The following GTPBP8 variants were observed in gnomAD, a reference collection of about 807,000 sequenced individuals.
GTPBP8 encodes the protein GTP-binding protein 8.
Under a neutral mutation model 27.3 loss-of-function variants are expected in GTPBP8, and 21 were observed. The ratio of observed to expected loss-of-function variants is 0.77; its 90% confidence interval spans 0.55 to 1.11. The LOEUF is 1.11. GTPBP8 is among the 50% of genes least tolerant of loss of function. The probability of loss-of-function intolerance (pLI) is 0.00; values close to 1 mark genes in which losing one functional copy is unlikely to be tolerated. For synonymous variants in GTPBP8, 147 were observed against 135.3 expected, an observed-to-expected ratio of 1.09 and a Z score of -0.60; for missense variants, 380 against 350.8, an observed-to-expected ratio of 1.08 and a Z score of -0.67.
Position 113,000,850 on chromosome 3 carries a change from T to G in GTPBP8, c.786T>G (p.Ser262Arg), listed in dbSNP as rs763571192. Residue 262 changes from serine to arginine, a missense_variant and splice_region_variant, in exon 6 of 6, where the codon AGT (serine) becomes AGG (arginine). Transcript: ENST00000383678. ...AATTATTTCTCTTTTCTTTTCACAG[T>G]GCTGTGACCTTTTCTGGAATCCACC... is the stretch of plus-strand genomic sequence containing the variant. ...QGCFPQLFPV[S>R]AVTFSGIHLL... The G allele has an allele frequency of 6.3e-7, 1 of 1,576,546 alleles. No individual in the cohort carries two copies. The highest frequency in any genetic ancestry group is 1.1e-5 in the South Asian group (1 of 89,314).
chr3:112,998,814 A>T (rs780276404), intron 4 of GTPBP8, among the ~76,000 whole-genome samples: 1 of 152,214 alleles, frequency 6.6e-6, no homozygotes, highest in Non-Finnish European at 1.5e-5. Context: ...AGCATCTTTT[A>T]TGACTAAAAA....
rs541417068 is a variant in GTPBP8, at chr3:112,997,752, G to C, written c.666+761G>C. Among the ~76,000 whole-genome samples, 9 of 152,290 alleles carry C rather than the reference G, an allele frequency of 5.9e-5. No homozygotes were observed. The South Asian group carries it at 1.9e-3, about 32-fold the overall frequency. On this transcript the variant is annotated intron_variant, in intron 4 of 5. Transcript: ENST00000383678. ...TTATTCTTGGGGTCTTGGAATTCTT[G>C]GGGTCTGCAAAAGCCCTATGAAGCA...
intron 4 of GTPBP8, 98 bp downstream of exon 4, chr3:112,997,089 T>C (rs913932523): frequency 7.6e-6 from 5 of 656,350 alleles, no homozygotes; most frequent in Admixed American, 2.9e-5. Flanking sequence ...TTGTGTTGCC[T>C]CAAAAGATAA....
chr3:112,999,754 T>G (rs911720341), intron 5 of GTPBP8, among the ~76,000 whole-genome samples, 190 bp downstream of exon 5: 2 of 152,106 alleles, frequency 1.3e-5, no homozygotes, highest in Non-Finnish European at 2.9e-5. Context: ...ATGTGTAGTC[T>G]TTTTTCGCTC....
intron 5 of GTPBP8, among the ~76,000 whole-genome samples, chr3:113,000,368 A>AAACCACCACC (rs1438342570): frequency 2.0e-5 from 3 of 152,180 alleles, no homozygotes; most frequent in Non-Finnish European, 4.4e-5. Context: ...TCTGTCTCAA[A>AAACCACCACC]AACCACCACC....
intron 3 of GTPBP8, among the ~76,000 whole-genome samples, chr3:112,996,265 C>T (rs977143446): frequency 1.3e-5 from 2 of 151,874 alleles, no homozygotes; most frequent in Non-Finnish European, 2.9e-5. Context: ...TCGAGACCAG[C>T]CTGGCAACAT....
intron 2 of GTPBP8, among the ~76,000 whole-genome samples, chr3:112,993,759 A>G (rs1269941158): frequency 1.3e-5 from 2 of 152,076 alleles, no homozygotes; most frequent in African/African-American, 4.8e-5. Flanking sequence ...GCACGAACGC[A>G]CACACACCCC....
chr3:112,991,231 A>G lies in GTPBP8; in HGVS notation c.232A>G (p.Ile78Val), dbSNP rs375098068. 2.0e-5 allele frequency: 32 copies of G among 1,614,018 alleles called. No individual in the cohort carries two copies. Among genetic ancestry groups the G allele is most frequent in the Non-Finnish European group, 2.6e-5 (31 of 1,180,028 alleles). The change falls in exon 1 of 6, where the codon ATA becomes GTA. Residue 78 changes from isoleucine (I) to valine (V), a missense_variant. Transcript: ENST00000383678. ...LRIFDPSPED[I>V]ARADNIFTAT... Reference sequence around the variant, plus strand: ...TATCTTTGACCCAAGCCCGGAGGACATAGCCAGGGCGGACAACATCTTCAC... The same window carrying G: ...TATCTTTGACCCAAGCCCGGAGGACGTAGCCAGGGCGGACAACATCTTCAC...
chr3:112,992,003 A>G (rs770584692), intron 1 of GTPBP8: 4 of 178,136 alleles, frequency 2.2e-5, no homozygotes, highest in African/African-American at 9.6e-5. Flanking sequence ...TCAACTCTCC[A>G]TATGTATTTA....
chr3:112,991,206 T>A lies in GTPBP8; in HGVS notation c.207T>A (p.Arg69=). 1 of 1,614,184 alleles carries A rather than the reference T, an allele frequency of 6.2e-7. No individual in the cohort carries two copies. Among genetic ancestry groups the A allele is most frequent in the Non-Finnish European group, 8.5e-7 (1 of 1,180,026 alleles). Residue 69 remains arginine, a synonymous_variant, in exon 1 of 6, where the codon CGT becomes CGA. Coordinates refer to ENST00000383678, the MANE Select transcript of GTPBP8 (RefSeq NM_014170.4). ...APYGRQDLHL[R]IFDPSPEDIA... Reference sequence around the variant, plus strand: ...ACGGGAGGCAAGACCTTCACCTGCGTATCTTTGACCCAAGCCCGGAGGACA... The same window carrying A: ...ACGGGAGGCAAGACCTTCACCTGCGAATCTTTGACCCAAGCCCGGAGGACA...
intron 5 of GTPBP8, among the ~76,000 whole-genome samples, 183 bp from the exon 6 acceptor site, chr3:113,000,667 T>C (rs1279669251): frequency 1.3e-5 from 2 of 152,136 alleles, no homozygotes; most frequent in East Asian, 1.9e-4. Flanking sequence ...CAGATAATAT[T>C]GATCATCAGA....
chr3:113,000,935 CT>C lies in GTPBP8; in HGVS notation c.*17del. On this transcript the variant is annotated 3_prime_UTR_variant, in exon 6 of 6. Coordinates refer to ENST00000383678, the MANE Select transcript of GTPBP8 (RefSeq NM_014170.4). The stretch of plus-strand genomic sequence containing the variant: ...TCTTGACTAATGGTTCCCGGTTTAG[CT>C]GAAGATTCAAAAAAAAAAAAAAAAG... The C allele has an allele frequency of 7.5e-7, 1 of 1,331,154 alleles. No individual in the cohort carries two copies. The highest frequency in any genetic ancestry group is 1.0e-6 in the Non-Finnish European group (1 of 957,886). 82.5% of individuals were successfully genotyped at this position (1,331,154 alleles called of 1,614,324 possible). A position where few individuals can be genotyped will look rare whatever the true frequency, so the allele number is the denominator to read the frequency against.
At chr3:112,996,128 G>C (rs1289596608) in intron 3 of GTPBP8, among the ~76,000 whole-genome samples, 1 of 152,088 alleles carries the variant, frequency 6.6e-6, no homozygotes, top group Non-Finnish European at 1.5e-5. Context: ...AATGTGTCTG[G>C]TTTCTGTTAT....
chr3:112,993,457 G>T (rs1334411309), intron 2 of GTPBP8, among the ~76,000 whole-genome samples: 5 of 152,096 alleles, frequency 3.3e-5, no homozygotes, highest in Non-Finnish European at 7.4e-5. Context: ...ACGGTAAATG[G>T]CTTTTAGGTT....
At chr3:112,991,648 C>T (rs1933683540) in intron 1 of GTPBP8, 1 of 542,196 alleles carries the variant, frequency 1.8e-6, no homozygotes. Context: ...TAGAAGACTT[C>T]AAAATGCTTT....
rs1469127315 is a variant in GTPBP8 at position 112,991,504 on chromosome 3, T to TA, written c.336+170dup. Reference sequence around the variant, plus strand: ...TGTCGATGCTCCCTGTACGTGGGGATACCCGAGAAACCCATTGTTAAGTAC... The same window carrying TA: ...TGTCGATGCTCCCTGTACGTGGGGATAACCCGAGAAACCCATTGTTAAGTAC... On this transcript the variant is annotated intron_variant, in intron 1 of 5. Coordinates refer to ENST00000383678, the MANE Select transcript of GTPBP8 (RefSeq NM_014170.4). 12 of 726,778 alleles carry TA rather than the reference T, an allele frequency of 1.7e-5. No homozygotes were observed. In the Admixed American group the frequency reaches 2.4e-4, roughly 15 times the overall value. 45.0% of individuals were successfully genotyped at this position (726,778 alleles called of 1,614,324 possible). A position where few individuals can be genotyped will look rare whatever the true frequency, so the allele number is the denominator to read the frequency against.
intron 4 of GTPBP8, 86 bp from the exon 5 acceptor site, chr3:112,999,360 G>C (rs945765817): frequency 7.2e-6 from 4 of 552,064 alleles, no homozygotes; most frequent in Non-Finnish European, 9.9e-6. Flanking sequence ...GGGTCACCTA[G>C]TTGTAAATGA....
In GTPBP8 at chr3:112,995,248, T is replaced by C. The variant is rs768373063; in HGVS notation, c.549T>C (p.Tyr183=). 1.3e-6 allele frequency: 2 copies of C among 1,599,062 alleles called. No homozygotes were observed. The highest frequency in any genetic ancestry group is 2.7e-5 in the African/African-American group (2 of 74,238). Residue 183 remains tyrosine (Y), a synonymous_variant, in exon 3 of 6, where the codon TAT becomes TAC. Transcript: ENST00000383678. The stretch of plus-strand genomic sequence containing the variant: ...ATTTTGTTGACATGGTAGAGACCTA[T>C]CTAAAAGAACGAAGGAAGTAAGGAA... ...PEDFVDMVET[Y]LKERRNLKRT...
At chr3:112,992,202 A>C (rs1316857863) in intron 1 of GTPBP8, 1 of 152,234 alleles carries the variant, frequency 6.6e-6, no homozygotes, top group Non-Finnish European at 1.5e-5. Context: ...TTAGCATTAG[A>C]TTTGCTCTGG....
Sources: allele counts gnomAD v4.1 joint callset (sites outside exome capture counted in the v4.1 genomes callset), GRCh38; gene constraint gnomAD v4.1.1; transcripts MANE v1.5; gene names NCBI Gene and HGNC (gene_info 2026-07-23, HGNC 2026-07-21).